The following NEK8 variants were observed in gnomAD, a reference collection of about 807,000 sequenced individuals.
NEK8 encodes the protein NIMA related kinase 8.
Under a neutral mutation model 77.2 loss-of-function variants are expected in NEK8, and 51 were observed. The observed-to-expected ratio is 0.66, with a 90% confidence interval of 0.53 to 0.83. The LOEUF is 0.83. Ranked by LOEUF, NEK8 falls within the 40% of genes least tolerant of loss-of-function variation. NEK8 has a pLI of 0.00. For missense variants in NEK8, 787 were observed against 909.2 expected (o/e 0.87, Z 1.73); for synonymous variants, 365 against 363.2 (o/e 1.00, Z -0.06).
chr17:28,740,601 G>A lies in NEK8; in HGVS notation c.1556G>A (p.Cys519Tyr). ...ILTVPGQALA[C>Y]GSNRFNKLGL... ...ACTGTGCCTGGCCAAGCCCTAGCCTGTGGGAGCAACAGGTGAATAGATCAT... is the reference window on the plus strand; with the variant it reads ...ACTGTGCCTGGCCAAGCCCTAGCCTATGGGAGCAACAGGTGAATAGATCAT... The change falls in exon 11 of 15, where the codon TGT becomes TAT. Residue 519 changes from cysteine to tyrosine, a missense_variant. By Grantham distance (194) the Cys-to-Tyr change is radical (BLOSUM62 -2). Around this residue, in one of 2 missense-constraint regions of NEK8, gnomAD observed 516 missense variants for 544.0 expected, o/e 0.95. Transcript: ENST00000268766. The surrounding 1 kb of genome is among the most constrained non-coding windows in gnomAD (Gnocchi z 4.7). 1 of 1,614,206 alleles carries A rather than the reference G, an allele frequency of 6.2e-7. No homozygotes were observed. Among genetic ancestry groups the A allele is most frequent in the Non-Finnish European group, 8.5e-7 (1 of 1,180,036 alleles).
In NEK8 at chr17:28,735,304, G is replaced by A; in HGVS notation, c.551G>A (p.Ser184Asn). 1 of 1,614,116 alleles carries A rather than the reference G, an allele frequency of 6.2e-7. No individual in the cohort carries two copies. Among genetic ancestry groups the A allele is most frequent in the Non-Finnish European group, 8.5e-7 (1 of 1,179,968 alleles). ...GAGGGCAAGCCCTACAACCAGAAGA[G>A]TGACATCTGGGCCCTGGGCTGTGTC... ...LCEGKPYNQK[S>N]DIWALGCVLY... The change falls in exon 4 of 15, where the codon AGT becomes AAT. Residue 184 changes from serine (S) to asparagine (N), a missense_variant. This residue lies in a region of NEK8 where 271 missense variants were observed against 365.1 expected (regional missense o/e 0.74). Transcript: ENST00000268766.
At chr17:28,733,918 C>T in intron 1 of NEK8, 65 bp from the exon 2 acceptor site, 1 of 1,405,306 alleles carries the variant, frequency 7.1e-7, no homozygotes, top group South Asian at 1.2e-5. Flanking sequence ...CTAGGCTGCA[C>T]CGCCCTGCCT....
rs543735024 is a variant in NEK8 at position 28,741,693 on chromosome 17, C to A, written c.2050+122C>A. 1.1e-4 allele frequency: 138 copies of A among 1,288,726 alleles called. 1 individual carries two copies. In the South Asian group the frequency reaches 1.3e-3, roughly 12 times the overall value. 79.8% of individuals were successfully genotyped at this position (1,288,726 alleles called of 1,614,324 possible). A position where few individuals can be genotyped will look rare whatever the true frequency, so the allele number is the denominator to read the frequency against. ...ATCTTTAGCCCCCAGATAAAAAAAG[C>A]AGAAGCTGCGGTTGAAAAGCTTCAA... On this transcript the variant is annotated intron_variant, in intron 14 of 14. Coordinates refer to ENST00000268766, the MANE Select transcript of NEK8 (RefSeq NM_178170.3). The surrounding 1 kb of genome is among the most constrained non-coding windows in gnomAD (Gnocchi z 4.5).
rs983155647 is a variant in NEK8, at chr17:28,742,040, T to G, written c.*53T>G. The G allele has an allele frequency of 1.1e-5, 17 of 1,565,298 alleles. No homozygotes were observed. Among genetic ancestry groups the G allele is most frequent in the South Asian group, 2.2e-5 (2 of 90,170 alleles). ...CTGATATTGCTTCTCCTCTGAATGC[T>G]CTGAAAAGTGCAGGTGCCCAAGGCA... is the stretch of plus-strand genomic sequence containing the variant. On this transcript the variant is annotated 3_prime_UTR_variant, in exon 15 of 15. Coordinates refer to ENST00000268766, the MANE Select transcript of NEK8 (RefSeq NM_178170.3).
chr17:28,731,449 G>A (rs867745303), intron 1 of NEK8, among the ~76,000 whole-genome samples: 18 of 151,844 alleles, frequency 1.2e-4, no homozygotes, highest in African/African-American at 4.4e-4. Context: ...TGAGGGAGGA[G>A]AATTGCTTGA....
At chr17:28,730,918 A>G (rs2034300316) in intron 1 of NEK8, among the ~76,000 whole-genome samples, 1 of 151,888 alleles carries the variant, frequency 6.6e-6, no homozygotes, top group Admixed American at 6.6e-5. Context: ...GTGAGAACCT[A>G]TCTAAAAAAA....
intron 3 of NEK8, 109 bp from the exon 4 acceptor site, chr17:28,735,131 G>C: frequency 6.4e-7 from 1 of 1,558,426 alleles, no homozygotes; most frequent in African/African-American, 1.4e-5. Flanking sequence ...TTCTGCAGGA[G>C]GAAGCCCCTT....
At chr17:28,729,034 C>T (rs1453348181) in intron 1 of NEK8, among the ~76,000 whole-genome samples, 174 bp downstream of exon 1, 2 of 152,254 alleles carry the variant, frequency 1.3e-5, no homozygotes, top group Non-Finnish European at 2.9e-5. Context: ...TCTACGGAGG[C>T]CACGCCCCTG....
In NEK8 at chr17:28,738,198, C is replaced by T; in HGVS notation, c.1175C>T (p.Thr392Ile). 1 of 1,614,174 alleles carries T rather than the reference C, an allele frequency of 6.2e-7. No homozygotes were observed. The highest frequency in any genetic ancestry group is 8.5e-7 in the Non-Finnish European group (1 of 1,180,014). ...TTCCTGGAGGGCCAGTCGGGTGTGACCATCAAGCACGTGGCCTGTGGGGAC... is the reference window on the plus strand; with the variant it reads ...TTCCTGGAGGGCCAGTCGGGTGTGATCATCAAGCACGTGGCCTGTGGGGAC... ...SRFLEGQSGV[T>I]IKHVACGDFF... Residue 392 changes from threonine to isoleucine, a missense_variant, in exon 8 of 15, where the codon ACC (threonine) becomes ATC (isoleucine). By Grantham distance (89) the Thr-to-Ile change is moderately conservative. Around this residue, in one of 2 missense-constraint regions of NEK8, gnomAD observed 516 missense variants for 544.0 expected, o/e 0.95. Coordinates refer to ENST00000268766, the MANE Select transcript of NEK8 (RefSeq NM_178170.3).
At chr17:28,738,782 G>T in intron 9 of NEK8, 35 bp downstream of exon 9, 1 of 1,521,856 alleles carries the variant, frequency 6.6e-7, no homozygotes, top group Non-Finnish European at 9.1e-7. Context: ...AGGGGAAGTC[G>T]GGGGATGGCG....
chr17:28,733,866 T>C (rs2034334268), intron 1 of NEK8, 117 bp from the exon 2 acceptor site: 2 of 815,984 alleles, frequency 2.5e-6, no homozygotes, highest in Non-Finnish European at 4.1e-6. Context: ...CTTGGTTAGA[T>C]GACCTCTCAG....
rs1597802770 is a variant in NEK8, at chr17:28,728,965, C to T, written c.47+105C>T. On this transcript the variant is annotated intron_variant, in intron 1 of 14. Coordinates refer to ENST00000268766, the MANE Select transcript of NEK8 (RefSeq NM_178170.3). Reference sequence around the variant, plus strand: ...GCCTAATCCCGCCCCAAGGCGTGAGCGCCACTCTGGGAAGCCCCGCCCAAG... The same window carrying T: ...GCCTAATCCCGCCCCAAGGCGTGAGTGCCACTCTGGGAAGCCCCGCCCAAG... 7 of 1,101,786 alleles carry T rather than the reference C, an allele frequency of 6.4e-6. No individual in the cohort carries two copies. The East Asian group carries it at 1.3e-4, about 20-fold the overall frequency. 68.3% of individuals were successfully genotyped at this position (1,101,786 alleles called of 1,614,324 possible). A position where few individuals can be genotyped will look rare whatever the true frequency, so the allele number is the denominator to read the frequency against.
intron 1 of NEK8, among the ~76,000 whole-genome samples, chr17:28,730,211 C>G (rs1471322943): frequency 6.7e-6 from 1 of 149,170 alleles, no homozygotes; most frequent in Non-Finnish European, 1.5e-5. Context: ...CCCGGGTTCA[C>G]GCAATTCTCC....
At chr17:28,739,021 G>T in intron 9 of NEK8, 63 bp from the exon 10 acceptor site, 8 of 1,182,956 alleles carry the variant, frequency 6.8e-6, no homozygotes, top group Middle Eastern at 1.9e-4. Context: ...CCTACAGGGG[G>T]TGTTGAAGCC....
In NEK8 at chr17:28,738,760, T is replaced by C. The variant is rs1241581604; in HGVS notation, c.1299+13T>C. On this transcript the variant is annotated intron_variant, in intron 9 of 14. Transcript: ENST00000268766. Reference sequence around the variant, plus strand: ...TGACATCAGCCAGGTGGGTGTCACATATACCTTGGGAAGGGGAAGTCGGGG... The same window carrying C: ...TGACATCAGCCAGGTGGGTGTCACACATACCTTGGGAAGGGGAAGTCGGGG... The C allele has an allele frequency of 6.2e-7, 1 of 1,607,496 alleles. No homozygotes were observed. The highest frequency in any genetic ancestry group is 1.1e-5 in the South Asian group (1 of 90,946).
intron 1 of NEK8, among the ~76,000 whole-genome samples, chr17:28,732,040 A>C (rs1156715647): frequency 3.6e-5 from 5 of 137,440 alleles, no homozygotes; most frequent in Admixed American, 3.1e-4. Context: ...ACGCCATTCT[A>C]CTGCCTCAGT....
chr17:28,742,065 A>G lies in NEK8; in HGVS notation c.*78A>G. 4 of 1,368,856 alleles carry G rather than the reference A, an allele frequency of 2.9e-6. No individual in the cohort carries two copies. Among genetic ancestry groups the G allele is most frequent in the Non-Finnish European group, 4.2e-6 (4 of 956,082 alleles). 84.8% of individuals were successfully genotyped at this position (1,368,856 alleles called of 1,614,324 possible). On this transcript the variant is annotated 3_prime_UTR_variant, in exon 15 of 15. Coordinates refer to ENST00000268766, the MANE Select transcript of NEK8 (RefSeq NM_178170.3). ...TCTGAAAAGTGCAGGTGCCCAAGGC[A>G]TGACTTGCAGCTGTCTCCTGGATTG...
At chr17:28,739,930 G>A (rs1351797063) in intron 10 of NEK8, among the ~76,000 whole-genome samples, 1 of 152,142 alleles carries the variant, frequency 6.6e-6, no homozygotes, top group Admixed American at 6.5e-5. Context: ...CAGAGGCGTG[G>A]AATTCAGTGA....
chr17:28,739,255 C>A, intron 10 of NEK8, 54 bp downstream of exon 10: 1 of 1,106,032 alleles, frequency 9.0e-7, no homozygotes, highest in Non-Finnish European at 1.4e-6. Context: ...ATGACTTGCT[C>A]CCCTTCATAC....
Sources: allele counts gnomAD v4.1 joint callset (sites outside exome capture counted in the v4.1 genomes callset), GRCh38; gene constraint gnomAD v4.1.1; regional missense constraint gnomAD v4.1.1; non-coding constraint Gnocchi (gnomAD v3.1); transcripts MANE v1.5; gene names NCBI Gene and HGNC (gene_info 2026-07-23, HGNC 2026-07-21).